Variants in NLGN1 observed in about 807,000 individuals in gnomAD.
The protein encoded by NLGN1 is neuroligin 1.
NLGN1 carries 12 observed loss-of-function variants against 65.5 expected under a neutral mutation model. The ratio of observed to expected loss-of-function variants is 0.18; its 90% CI spans 0.12 to 0.30. The LOEUF is 0.30. Among genes scored for constraint, NLGN1 ranks in the 10% least tolerant of loss-of-function variants. The pLI is 1.00. For synonymous variants in NLGN1, 350 were observed against 359.5 expected, an observed-to-expected ratio of 0.97 and a Z score of 0.30; for missense variants, 750 against 1,007.1, an observed-to-expected ratio of 0.74 and a Z score of 3.46.
At chr3:173,459,992 A>G (rs963910167) in intron 2 of NLGN1, among the ~76,000 whole-genome samples, 1 of 152,064 alleles carries the variant, frequency 6.6e-6, no homozygotes, top group Non-Finnish European at 1.5e-5. Flanking sequence ...TTGACAATGC[A>G]GAATTATTTT....
intron 4 of NLGN1, among the ~76,000 whole-genome samples, chr3:174,247,545 C>T (rs1278577872): frequency 6.6e-6 from 1 of 152,222 alleles, no homozygotes; most frequent in East Asian, 1.9e-4. Flanking sequence ...GACTTCTCAT[C>T]TAAATGATTT....
chr3:173,531,567 A>ACACACACACACC (rs1437888091), intron 2 of NLGN1, among the ~76,000 whole-genome samples: 1 of 150,210 alleles, frequency 6.7e-6, no homozygotes, highest in Non-Finnish European at 1.5e-5. Flanking sequence ...TGTGAAATAC[A>ACACACACACACC]CACACACACA....
chr3:173,682,707 G>T (rs1211806578), intron 3 of NLGN1, among the ~76,000 whole-genome samples: 2 of 151,028 alleles, frequency 1.3e-5, no homozygotes, highest in Non-Finnish European at 2.9e-5. Context: ...GTGAATTTTT[G>T]CAATCAGACC....
chr3:173,539,625 T>TAC (rs1491345407), intron 2 of NLGN1, among the ~76,000 whole-genome samples: 1 of 64,148 alleles, frequency 1.6e-5, no homozygotes, highest in East Asian at 1.3e-3. Context: ...ATTATATATT[T>TAC]ATATATACAC....
At chr3:173,959,328 C>G (rs552922809) in intron 4 of NLGN1, among the ~76,000 whole-genome samples, 1 of 152,290 alleles carries the variant, frequency 6.6e-6, no homozygotes, top group South Asian at 2.1e-4. Flanking sequence ...CTGCTGCTAT[C>G]AGTAGTGAGA....
At chr3:173,958,327 G>A (rs992250701) in intron 4 of NLGN1, among the ~76,000 whole-genome samples, 19 of 152,326 alleles carry the variant, frequency 1.2e-4, no homozygotes, top group East Asian at 3.9e-4. Flanking sequence ...GCTTTACTGC[G>A]TGACAGAATA....
intron 4 of NLGN1, among the ~76,000 whole-genome samples, chr3:174,118,632 G>A (rs1717076474): frequency 6.6e-6 from 1 of 152,114 alleles, no homozygotes; most frequent in Non-Finnish European, 1.5e-5. Flanking sequence ...AGTTATTCTT[G>A]AAGGATTCTT....
intron 4 of NLGN1, among the ~76,000 whole-genome samples, chr3:173,851,088 A>T (rs1726836233): frequency 6.6e-6 from 1 of 151,992 alleles, no homozygotes; most frequent in Admixed American, 6.6e-5. Flanking sequence ...ATCGTGTTTT[A>T]TTTAGTTTCA....
At chr3:173,703,730 T>C (rs546179302) in intron 3 of NLGN1, among the ~76,000 whole-genome samples, 1 of 152,204 alleles carries the variant, frequency 6.6e-6, no homozygotes, top group Non-Finnish European at 1.5e-5. Flanking sequence ...CTAAGTACTT[T>C]TAAGTAGCAC....
chr3:173,964,219 A>G (rs1714285621), intron 4 of NLGN1, among the ~76,000 whole-genome samples: 2 of 152,170 alleles, frequency 1.3e-5, no homozygotes, highest in South Asian at 4.1e-4. Context: ...AAATCTCAAC[A>G]AGATGTCCTG....
intron 3 of NLGN1, among the ~76,000 whole-genome samples, chr3:173,632,751 A>T (rs1478049198): frequency 6.6e-6 from 1 of 152,018 alleles, no homozygotes; most frequent in Non-Finnish European, 1.5e-5. Context: ...AGAGCCAAGG[A>T]AAGCAGCCAG....
At chr3:173,709,670 G>C (rs1768610185) in intron 3 of NLGN1, among the ~76,000 whole-genome samples, 1 of 151,806 alleles carries the variant, frequency 6.6e-6, no homozygotes, top group South Asian at 2.1e-4. Context: ...GGGCATGGTG[G>C]TGAGTGCCTG....
At chr3:173,934,882 TA>T (rs1389184776) in intron 4 of NLGN1, among the ~76,000 whole-genome samples, 3 of 152,032 alleles carry the variant, frequency 2.0e-5, no homozygotes, top group Non-Finnish European at 4.4e-5. Context: ...CATAATATAT[TA>T]TGTATGCCTG....
chr3:173,425,537 G>T (rs1715932797), intron 1 of NLGN1, among the ~76,000 whole-genome samples: 1 of 151,864 alleles, frequency 6.6e-6, no homozygotes, highest in Admixed American at 6.6e-5. Flanking sequence ...GAGAGACAAG[G>T]TTCTATTTCC....
At chr3:173,560,158 C>G (rs1400307938) in intron 2 of NLGN1, among the ~76,000 whole-genome samples, 3 of 151,938 alleles carry the variant, frequency 2.0e-5, no homozygotes, top group African/African-American at 4.8e-5. Flanking sequence ...GTCTCGATCT[C>G]CTGACCTCGT....
At chr3:173,762,194 A>G (rs1778057194) in intron 3 of NLGN1, among the ~76,000 whole-genome samples, 2 of 152,110 alleles carry the variant, frequency 1.3e-5, no homozygotes, top group African/African-American at 2.4e-5. Context: ...AAGGAAACAA[A>G]TAACAGAAGG....
At chr3:174,015,326 C>G (rs149674358) in intron 4 of NLGN1, among the ~76,000 whole-genome samples, 32 of 152,276 alleles carry the variant, frequency 2.1e-4, no homozygotes, top group Admixed American at 4.6e-4. Flanking sequence ...TACTTGAACT[C>G]TGAGGTCAGA....
upstream of NLGN1, chr3:173,396,532 C>G (rs1186801032): frequency 6.6e-6 from 1 of 152,150 alleles, no homozygotes; most frequent in Non-Finnish European, 1.5e-5. Context: ...GTTTTGGAGC[C>G]GATGGATAAC....
chr3:173,447,434 T>C (rs1309851004), intron 2 of NLGN1, among the ~76,000 whole-genome samples: 1 of 152,236 alleles, frequency 6.6e-6, no homozygotes, highest in Non-Finnish European at 1.5e-5. Context: ...ATCTCTGTTT[T>C]GGTACCAGTA....
Sources: gnomAD v4.1 joint callset for allele counts (sites outside exome capture counted in the v4.1 genomes callset) on GRCh38, gnomAD v4.1.1 for gene constraint, MANE v1.5 for transcripts, NCBI Gene and HGNC (gene_info 2026-07-23, HGNC 2026-07-21) for gene names.